Variants in LMLN observed in about 807,000 individuals in gnomAD.
The protein encoded by LMLN is leishmanolysin like peptidase, also known as leishmanolysin-like peptidase.
In LMLN, 70 loss-of-function variants were observed where a neutral mutation model predicts 92.3. The observed-to-expected ratio is 0.76, with a 90% confidence interval of 0.63 to 0.92. The LOEUF (loss-of-function observed/expected upper bound fraction) is 0.92, where lower values mean the gene tolerates loss of function less well. Among genes scored for constraint, LMLN ranks in the 40% least tolerant of loss-of-function variants. The pLI is 0.00. For synonymous variants in LMLN, 308 were observed against 296.2 expected, an observed-to-expected ratio of 1.04 and a Z score of -0.41; for missense variants, 691 against 814.6, an observed-to-expected ratio of 0.85 and a Z score of 1.85.
intron 11 of LMLN, among the ~76,000 whole-genome samples, chr3:198,002,312 G>A (rs1031574821): frequency 6.6e-6 from 1 of 151,788 alleles, no homozygotes; most frequent in African/African-American, 2.4e-5. Flanking sequence ...TGTATTTTTA[G>A]TAGAGACAGG....
Position 197,999,661 on chromosome 3 carries a change from G to A in LMLN, c.1232+319G>A, listed in dbSNP as rs140118007. On this transcript the variant is annotated intron_variant, in intron 11 of 15. Coordinates refer to ENST00000330198, the Ensembl canonical transcript of LMLN. The stretch of plus-strand genomic sequence containing the variant: ...TCTCACCTCAGCTTCCTGCGTGGCT[G>A]GGACTACAGGCACGTGCCACCATGC... 6 of 239,478 alleles carry A rather than the reference G, an allele frequency of 2.5e-5. No individual in the cohort carries two copies. The East Asian group carries it at 5.9e-4, about 23-fold the overall frequency. The allele number at this position is 239,478 out of a possible 1,614,324, so 14.8% of individuals were successfully genotyped here. A position where few individuals can be genotyped will look rare whatever the true frequency, so the allele number is the denominator to read the frequency against.
intron 1 of LMLN, among the ~76,000 whole-genome samples, chr3:197,966,047 A>G (rs531060938): frequency 1.3e-5 from 2 of 152,070 alleles, no homozygotes; most frequent in South Asian, 2.1e-4. Context: ...TGTTTATTGC[A>G]TGTTTTTATT....
At chr3:197,990,138 C>T (rs1439188073) in intron 8 of LMLN, among the ~76,000 whole-genome samples, 27 of 152,112 alleles carry the variant, frequency 1.8e-4, no homozygotes, top group Admixed American at 1.8e-3. Flanking sequence ...ACATGGCTTA[C>T]TGCAGCGTCA....
chr3:198,021,885 T>C (rs1467033754), intron 13 of LMLN, among the ~76,000 whole-genome samples: 2 of 152,232 alleles, frequency 1.3e-5, no homozygotes, highest in Admixed American at 6.5e-5. Flanking sequence ...CGCGTATGCA[T>C]GCACACACGC....
intron 11 of LMLN, among the ~76,000 whole-genome samples, chr3:198,013,686 C>T (rs1349111089): frequency 6.1e-5 from 8 of 131,526 alleles, no homozygotes; most frequent in Non-Finnish European, 9.5e-5. Flanking sequence ...CTTCTCTCCA[C>T]CCTTCAGAGC....
chr3:197,976,377 T>C (rs1330946020), intron 4 of LMLN: 4 of 490,796 alleles, frequency 8.2e-6, no homozygotes, highest in Non-Finnish European at 1.5e-5. Context: ...CCCTCTTTCA[T>C]GTGGATACAG....
chr3:197,986,386 GGAGGCT>G (rs1721707538), intron 8 of LMLN, among the ~76,000 whole-genome samples: 1 of 152,224 alleles, frequency 6.6e-6, no homozygotes, highest in East Asian at 1.9e-4. Context: ...ATTCAGCTCA[GGAGGCT>G]GAGGCTACAG....
At chr3:198,008,997 C>A (rs1036486065) in intron 11 of LMLN, among the ~76,000 whole-genome samples, 5 of 151,960 alleles carry the variant, frequency 3.3e-5, no homozygotes, top group Non-Finnish European at 7.4e-5. Context: ...TGCAAGAGAG[C>A]AGAACATGGT....
chr3:197,979,543 T>G (rs1046611467), intron 5 of LMLN, among the ~76,000 whole-genome samples: 4 of 152,040 alleles, frequency 2.6e-5, no homozygotes, highest in Admixed American at 6.6e-5. Flanking sequence ...TTAGGCTGGG[T>G]GCAGTGGCTC....
At chr3:197,998,543 A>C (rs1158660212) in intron 10 of LMLN, among the ~76,000 whole-genome samples, 1 of 152,194 alleles carries the variant, frequency 6.6e-6, no homozygotes, top group African/African-American at 2.4e-5. Flanking sequence ...AACTTCTCTC[A>C]AATCAACTTT....
rs958037076 is a variant in LMLN at position 198,025,653 on chromosome 3, G to A, written c.1656+865G>A. Among the ~76,000 whole-genome samples the A allele has an allele frequency of 1.3e-5, 2 of 152,066 alleles. No homozygotes were observed. Among genetic ancestry groups the A allele is most frequent in the African/African-American group, 2.4e-5 (1 of 41,412 alleles). On this transcript the variant is annotated intron_variant, in intron 14 of 15. Coordinates refer to ENST00000330198, the Ensembl canonical transcript of LMLN. The surrounding 1 kb of genome is among the most constrained non-coding windows in gnomAD (Gnocchi z 4.3). ...CCAAAGTACTGGGATTATAGATGGC[G>A]GCCACCATGCCTCGCCTACTATTTC... is the stretch of plus-strand genomic sequence containing the variant.
intron 14 of LMLN, among the ~76,000 whole-genome samples, chr3:198,035,361 G>GTTTTTTTTTTTTTTT (rs10679322): frequency 8.5e-6 from 1 of 117,714 alleles, no homozygotes; most frequent in African/African-American, 3.6e-5. Context: ...CCCTCTTTTG[G>GTTTTTTTTTTTTTTT]TTTTTTTTTT....
chr3:197,964,674 G>T (rs557990699), intron 1 of LMLN, among the ~76,000 whole-genome samples: 1 of 151,014 alleles, frequency 6.6e-6, no homozygotes, highest in Non-Finnish European at 1.5e-5. Context: ...TGGGATTACA[G>T]GCGTGAGCCA....
chr3:198,022,301 G>A (rs759991662), intron 13 of LMLN, among the ~76,000 whole-genome samples: 3 of 152,196 alleles, frequency 2.0e-5, no homozygotes, highest in Admixed American at 6.5e-5. Flanking sequence ...TGGGTATTCT[G>A]CAATAATAGT....
intron 11 of LMLN, among the ~76,000 whole-genome samples, chr3:198,012,710 C>T (rs1356844436): frequency 1.3e-5 from 2 of 151,534 alleles, no homozygotes; most frequent in African/African-American, 2.4e-5. Context: ...CCTAACTAGT[C>T]TGCCTTCTCT....
intron 8 of LMLN, among the ~76,000 whole-genome samples, chr3:197,988,912 A>G (rs1292945446): frequency 6.6e-6 from 1 of 151,924 alleles, no homozygotes; most frequent in African/African-American, 2.4e-5. Context: ...CATACTCCTG[A>G]CCTCTAGTGA....
At chr3:197,998,307 A>T (rs1416107865) in intron 10 of LMLN, among the ~76,000 whole-genome samples, 1 of 152,234 alleles carries the variant, frequency 6.6e-6, no homozygotes, top group Non-Finnish European at 1.5e-5. Context: ...ACAATTCTGG[A>T]AAGAATGAAA....
chr3:197,998,378 AC>A (rs1227981606), intron 10 of LMLN, among the ~76,000 whole-genome samples: 3 of 152,232 alleles, frequency 2.0e-5, no homozygotes, highest in Admixed American at 1.3e-4. Flanking sequence ...ATGGAAACTT[AC>A]GGAAGGGACG....
Position 198,030,741 on chromosome 3 carries a change from A to G in LMLN, c.1657-5092A>G, listed in dbSNP as rs141255691. On this transcript the variant is annotated intron_variant, in intron 14 of 15. Coordinates refer to ENST00000330198, the Ensembl canonical transcript of LMLN. ...GATTTTGTGTCATATTCTTTTTTGG[A>G]TTTTTTTTATTTTAATGGAACATAT... 4.0e-5 allele frequency among the ~76,000 whole-genome samples: 6 copies of G among 151,634 alleles called. No homozygotes were observed. In the East Asian group the frequency reaches 1.2e-3, roughly 29 times the overall value.
Sources: allele counts gnomAD v4.1 joint callset (sites outside exome capture counted in the v4.1 genomes callset), GRCh38; gene constraint gnomAD v4.1.1; non-coding constraint Gnocchi (gnomAD v3.1); transcripts MANE v1.5; gene names NCBI Gene and HGNC (gene_info 2026-07-23, HGNC 2026-07-21).